Variants in ARHGEF10 observed in about 807,000 individuals in gnomAD.
ARHGEF10 encodes Rho guanine nucleotide exchange factor 10.
Under a neutral mutation model 147.4 loss-of-function variants are expected in ARHGEF10, and 140 were observed. The observed-to-expected ratio is 0.95, with a 90% confidence interval of 0.83 to 1.09. The LOEUF is 1.09. Ranked by LOEUF, ARHGEF10 falls within the 50% of genes least tolerant of loss-of-function variation. The pLI is 0.00. For synonymous variants in ARHGEF10, 902 were observed against 695.8 expected (o/e 1.30, Z -4.67); for missense variants, 2,222 against 1,752.7 (o/e 1.27, Z -4.78).
At chr8:1,935,186 T>C (rs13279485) in intron 26 of ARHGEF10, among the ~76,000 whole-genome samples, 9,095 of 152,192 alleles carry the variant, frequency 0.06, 343 homozygotes, top group Non-Finnish European at 0.09. Flanking sequence ...GAATTTTCCA[T>C]GTACCCCTCC....
At chr8:1,933,582 G>C (rs113904549) in intron 25 of ARHGEF10, among the ~76,000 whole-genome samples, 1 of 151,694 alleles carries the variant, frequency 6.6e-6, no homozygotes, top group Non-Finnish European at 1.5e-5. Context: ...TGAGGGCTGC[G>C]TGTCCCACAG....
chr8:1,884,237 C>G (rs1331303520), intron 10 of ARHGEF10, among the ~76,000 whole-genome samples: 2 of 150,682 alleles, frequency 1.3e-5, no homozygotes, highest in Non-Finnish European at 3.0e-5. Flanking sequence ...ACTAAAAATA[C>G]AAAAAAAAAT....
chr8:1,919,448 G>C (rs1428996950), intron 18 of ARHGEF10, among the ~76,000 whole-genome samples: 1 of 149,310 alleles, frequency 6.7e-6, no homozygotes, highest in Non-Finnish European at 1.5e-5. Flanking sequence ...ATGGGTGATG[G>C]AGCTGTTCCA....
chr8:1,879,517 CTT>C lies in ARHGEF10; in HGVS notation c.844-528_844-527del, dbSNP rs538723713. 1.7e-3 allele frequency among the ~76,000 whole-genome samples: 264 copies of C among 151,660 alleles called. 4 individuals carry two copies. Among genetic ancestry groups the C allele is most frequent in the Non-Finnish European group, 7.7e-4 (52 of 67,938 alleles). ...AGCCTGGTGTCTGGATAGTGTCTGT[CTT>C]TTGATGCCATGTTTAGCTCATTTCT... On this transcript the variant is annotated intron_variant, in intron 8 of 28. Coordinates refer to ENST00000349830, the MANE Select transcript of ARHGEF10 (RefSeq NM_014629.4).
At position 1,923,002 on chromosome 8, in the gene ARHGEF10, T is replaced by G. The variant is rs1303687043; in HGVS notation, c.2182T>G (p.Leu728Val). Residue 728 changes from leucine to valine, a missense_variant, in exon 19 of 29, where the codon TTA (leucine) becomes GTA (valine). Transcript: ENST00000349830. ...GGGGCCAGGACAACTGTATCAAGAT[T>G]TACAAAACTTGTTGCATGACTTAAA... ...YMGPGQLYQD[L>V]QNLLHDLNVI... 10 of 1,613,742 alleles carry G rather than the reference T, an allele frequency of 6.2e-6. No homozygotes were observed. Among genetic ancestry groups the G allele is most frequent in the Non-Finnish European group, 8.5e-6 (10 of 1,179,952 alleles).
intron 4 of ARHGEF10, 133 bp from the exon 5 acceptor site, chr8:1,864,240 T>C: frequency 1.1e-6 from 1 of 879,250 alleles, no homozygotes; most frequent in South Asian, 1.4e-5. Context: ...TTTAAGTTTA[T>C]TAATCACCCT....
rs115828431 is a variant in ARHGEF10 at position 1,854,074 on chromosome 8, T to C, written c.38-3886T>C. Among the ~76,000 whole-genome samples, 733 of 152,276 alleles carry C rather than the reference T, an allele frequency of 4.8e-3. 3 individuals carry two copies. Among genetic ancestry groups the C allele is most frequent in the African/African-American group, 0.017 (688 of 41,546 alleles). On this transcript the variant is annotated intron_variant, in intron 2 of 28. Coordinates refer to ENST00000349830, the MANE Select transcript of ARHGEF10 (RefSeq NM_014629.4). ...GAACTAAACTTAGGACCCCAAATGC[T>C]GGGATTTTTAAAGGCATTCTGCATT...
At chr8:1,871,452 T>A (rs748291693) in intron 7 of ARHGEF10, among the ~76,000 whole-genome samples, 4 of 152,146 alleles carry the variant, frequency 2.6e-5, no homozygotes, top group Non-Finnish European at 5.9e-5. Flanking sequence ...TTGTCTTGAA[T>A]AATAATAAAA....
intron 23 of ARHGEF10, 50 bp from the exon 24 acceptor site, chr8:1,928,377 G>T (rs769695997): frequency 1.3e-6 from 2 of 1,579,666 alleles, no homozygotes; most frequent in South Asian, 2.2e-5. Flanking sequence ...GCGTATTATG[G>T]AAGCCGCCAC....
At chr8:1,923,283 C>T (rs373466107) in intron 19 of ARHGEF10, 185 bp from the exon 20 acceptor site, 1 of 978,208 alleles carries the variant, frequency 1.0e-6, no homozygotes, top group African/African-American at 1.6e-5. Flanking sequence ...GGTTTAATAT[C>T]AGTTCTATCT....
intron 7 of ARHGEF10, among the ~76,000 whole-genome samples, chr8:1,873,567 C>T (rs1348684911): frequency 3.2e-5 from 4 of 126,690 alleles, no homozygotes; most frequent in African/African-American, 7.4e-5. Context: ...TGAGAGGTGC[C>T]GCGGGGTAGT....
chr8:1,956,991 G>T lies in ARHGEF10; in HGVS notation c.3763G>T (p.Asp1255Tyr). 2 of 1,614,116 alleles carry T rather than the reference G, an allele frequency of 1.2e-6. No homozygotes were observed. Among genetic ancestry groups the T allele is most frequent in the Non-Finnish European group, 1.7e-6 (2 of 1,180,040 alleles). The change falls in exon 29 of 29, where the codon GAC (aspartate) becomes TAC (tyrosine). Residue 1255 changes from aspartate (D) to tyrosine (Y), a missense_variant. Asp to Tyr is a radical substitution (Grantham distance 160). Coordinates refer to ENST00000349830, the MANE Select transcript of ARHGEF10 (RefSeq NM_014629.4). ...GCTGGGATCGATGACTCAGAAAAGCGACCTGTCCTCCTCATCTGGGTCCCT... is the reference window on the plus strand; with the variant it reads ...GCTGGGATCGATGACTCAGAAAAGCTACCTGTCCTCCTCATCTGGGTCCCT... ...DSLGSMTQKS[D>Y]LSSSSGSLSL...
rs529670301 is a variant in ARHGEF10 at position 1,849,539 on chromosome 8, G to A, written c.37+6103G>A. ...CAAATGCTGAGGAGGGCGTGGGGCG[G>A]CCACGTGGGCATGGACAGCAAATGC... On this transcript the variant is annotated intron_variant, in intron 2 of 28. Transcript: ENST00000349830. Among the ~76,000 whole-genome samples, 117 of 143,510 alleles carry A rather than the reference G, an allele frequency of 8.2e-4. 2 individuals carry two copies. Among genetic ancestry groups the A allele is most frequent in the African/African-American group, 2.8e-3 (107 of 38,196 alleles). 94.1% of individuals were successfully genotyped at this position (143,510 alleles called of 152,430 possible).
rs577158155 is a variant in ARHGEF10, at chr8:1,889,375, A to C, written c.1182+3668A>C. On this transcript the variant is annotated intron_variant, in intron 11 of 28. Coordinates refer to ENST00000349830, the MANE Select transcript of ARHGEF10 (RefSeq NM_014629.4). ...GGAGACACTGAGTGGGGTGAGGGGT[A>C]TGTGAGGAGACAGTGATGTGAGGCA... Among the ~76,000 whole-genome samples the C allele has an allele frequency of 5.3e-5, 4 of 75,738 alleles. 1 individual carries two copies. The highest frequency in any genetic ancestry group is 2.4e-4 in the African/African-American group (4 of 16,668). The allele number at this position is 75,738 out of a possible 152,430, so 49.7% of individuals were successfully genotyped here. A position where few individuals can be genotyped will look rare whatever the true frequency, so the allele number is the denominator to read the frequency against.
At chr8:1,933,351 G>A (rs1175226509) in intron 25 of ARHGEF10, among the ~76,000 whole-genome samples, 1 of 152,176 alleles carries the variant, frequency 6.6e-6, no homozygotes, top group African/African-American at 2.4e-5. Flanking sequence ...CATCTTCTCT[G>A]CTATTATTGT....
chr8:1,857,879 GATCTATCTATCTATCTATCT>G (rs35698984), intron 2 of ARHGEF10, 61 bp from the exon 3 acceptor site: 8 of 594,300 alleles, frequency 1.3e-5, no homozygotes, highest in African/African-American at 5.2e-5. Flanking sequence ...TAGATCGATC[GATCTATCTATCTATCTATCT>G]ATCTATCTAT....
intron 18 of ARHGEF10, among the ~76,000 whole-genome samples, chr8:1,920,376 G>A (rs1812190538): frequency 6.6e-6 from 1 of 152,118 alleles, no homozygotes; most frequent in Non-Finnish European, 1.5e-5. Context: ...AGGCTGGAGT[G>A]CAGTGGCACA....
At chr8:1,921,853 C>A (rs915951202) in intron 18 of ARHGEF10, among the ~76,000 whole-genome samples, 1 of 152,200 alleles carries the variant, frequency 6.6e-6, no homozygotes, top group African/African-American at 2.4e-5. Flanking sequence ...GGCCGGGAAG[C>A]CTGTCCTGCT....
In ARHGEF10 at chr8:1,948,011, CT is replaced by C. The variant is rs1418834893; in HGVS notation, c.3397+2357del. 6.6e-6 allele frequency among the ~76,000 whole-genome samples: 1 copy of C among 152,052 alleles called. No individual in the cohort carries two copies. The highest frequency in any genetic ancestry group is 1.5e-5 in the Non-Finnish European group (1 of 68,034). On this transcript the variant is annotated intron_variant, in intron 27 of 28. Transcript: ENST00000349830. The surrounding 1 kb of genome is among the most constrained non-coding windows in gnomAD (Gnocchi z 4.9). ...GTCGCAGGTTCTGGCTAAATCGCAG[CT>C]GCCTGTGTTGCGTGTTTTGGATGAT...
Sources: allele counts gnomAD v4.1 joint callset (sites outside exome capture counted in the v4.1 genomes callset), GRCh38; gene constraint gnomAD v4.1.1; non-coding constraint Gnocchi (gnomAD v3.1); transcripts MANE v1.5; gene names NCBI Gene and HGNC (gene_info 2026-07-23, HGNC 2026-07-21).